Variants in TULP4 observed in about 807,000 individuals in gnomAD.
The protein encoded by TULP4 is tubby-related protein 4.
A neutral mutation model predicts 129.0 loss-of-function variants in TULP4; 16 were observed. The observed-to-expected ratio is 0.12, with a 90% CI of 0.08 to 0.19. TULP4 has a LOEUF of 0.19. Ranked by LOEUF, TULP4 falls within the 10% of genes least tolerant of loss-of-function variation. The pLI is 1.00. For synonymous variants in TULP4, 998 were observed against 854.0 expected (o/e 1.17, Z -2.94); for missense variants, 1,842 against 2,059.1 (o/e 0.89, Z 2.04).
intron 1 of TULP4, among the ~76,000 whole-genome samples, chr6:158,240,579 C>G (rs1316864284): frequency 1.0e-5 from 1 of 98,940 alleles, no homozygotes; most frequent in Non-Finnish European, 2.3e-5. Flanking sequence ...GGGCTCCTCA[C>G]TTCCCAGTAG....
intron 1 of TULP4, among the ~76,000 whole-genome samples, chr6:158,277,087 G>A (rs1453205653): frequency 6.6e-6 from 1 of 152,044 alleles, no homozygotes; most frequent in Non-Finnish European, 1.5e-5. Flanking sequence ...CTACAGGCGC[G>A]TGCTACCACA....
In TULP4 at chr6:158,511,144, G is replaced by C. The variant is rs1269054648; in HGVS notation, c.*4450G>C. On this transcript the variant is annotated 3_prime_UTR_variant, in exon 14 of 14. Transcript: ENST00000367097. ...GTGCAATTTTTGTGTAACTTTACTT[G>C]TACCTATATTTTCTGTTTACAGTTC... 5 of 152,428 alleles carry C rather than the reference G, an allele frequency of 3.3e-5. No individual in the cohort carries two copies. The highest frequency in any genetic ancestry group is 7.4e-5 in the Non-Finnish European group (5 of 68,010). 9.4% of individuals were successfully genotyped at this position (152,428 alleles called of 1,614,324 possible).
chr6:158,441,271 C>T (rs974983100), intron 3 of TULP4, among the ~76,000 whole-genome samples: 8 of 152,108 alleles, frequency 5.3e-5, no homozygotes, highest in Non-Finnish European at 1.0e-4. Context: ...CGAGATCACA[C>T]CACTGCACTC....
upstream of TULP4, among the ~76,000 whole-genome samples, chr6:158,309,709 C>G (rs1779302897): frequency 6.6e-6 from 1 of 152,052 alleles, no homozygotes; most frequent in Non-Finnish European, 1.5e-5. Context: ...GCCAACACAG[C>G]GAAACCCCGT....
At chr6:158,306,776 C>T (rs1389134996) in intron 1 of TULP4, among the ~76,000 whole-genome samples, 1 of 152,150 alleles carries the variant, frequency 6.6e-6, no homozygotes, top group African/African-American at 2.4e-5. Context: ...CCAGCTACTT[C>T]AGGAGGCTGA....
chr6:158,504,054 T>C lies in TULP4; in HGVS notation c.4391T>C (p.Val1464Ala), dbSNP rs1337658456. 6.2e-7 allele frequency: 1 copy of C among 1,609,158 alleles called. No individual in the cohort carries two copies. Among genetic ancestry groups the C allele is most frequent in the South Asian group, 1.1e-5 (1 of 90,458 alleles). The change falls in exon 13 of 14, where the codon GTG (valine) becomes GCG (alanine). Residue 1464 changes from valine (V) to alanine (A), a missense_variant. By Grantham distance (64) the Val-to-Ala change is moderately conservative. Around this residue, in one of 5 missense-constraint regions of TULP4, gnomAD observed 1,089 missense variants for 987.1 expected, o/e 1.10. Transcript: ENST00000367097. ...GGGCGGCTGGGCAGCCAAGGCTTCG[T>C]GTACGTGATGGCCAACAAGCAGCCG... ...EDGRLGSQGF[V>A]YVMANKQPLW...
At position 158,461,594 on chromosome 6, in the gene TULP4, C is replaced by T; in HGVS notation, c.891C>T (p.Asp297=). 1 of 1,613,850 alleles carries T rather than the reference C, an allele frequency of 6.2e-7. No individual in the cohort carries two copies. The highest frequency in any genetic ancestry group is 8.5e-7 in the Non-Finnish European group (1 of 1,179,908). Residue 297 remains aspartate, a synonymous_variant, in exon 6 of 14, where the codon GAC becomes GAT. Coordinates refer to ENST00000367097, the MANE Select transcript of TULP4 (RefSeq NM_020245.5). ...EVVAQWCTQG[D]LLAVAGMERQ... Reference sequence around the variant, plus strand: ...TAGCCCAGTGGTGCACACAGGGGGACTTGCTGGCAGTCGCTGGGATGGAAC... The same window carrying T: ...TAGCCCAGTGGTGCACACAGGGGGATTTGCTGGCAGTCGCTGGGATGGAAC...
chr6:158,247,474 C>A (rs559160590), intron 1 of TULP4, among the ~76,000 whole-genome samples: 1 of 152,324 alleles, frequency 6.6e-6, no homozygotes, highest in African/African-American at 2.4e-5. Context: ...ATTTTGAATT[C>A]TACTTAAATG....
At chr6:158,331,718 C>CGTGT (rs1562523086) in intron 1 of TULP4, among the ~76,000 whole-genome samples, 1 of 48,380 alleles carries the variant, frequency 2.1e-5, no homozygotes, top group Non-Finnish European at 3.8e-5. Flanking sequence ...CACACACACA[C>CGTGT]ACACACACAC....
intron 1 of TULP4, among the ~76,000 whole-genome samples, chr6:158,325,595 G>A (rs981759142): frequency 4.6e-5 from 7 of 151,914 alleles, no homozygotes; most frequent in Admixed American, 3.9e-4. Context: ...CTCGTGATCC[G>A]CCCGCCTCGG....
chr6:158,239,906 T>C (rs1235739209), intron 1 of TULP4, among the ~76,000 whole-genome samples: 4 of 46,602 alleles, frequency 8.6e-5, no homozygotes, highest in Non-Finnish European at 1.4e-4. Flanking sequence ...GAGGCGCCCC[T>C]CACCTCCCGG....
At chr6:158,255,185 T>C (rs533802030) in intron 1 of TULP4, among the ~76,000 whole-genome samples, 2 of 152,326 alleles carry the variant, frequency 1.3e-5, no homozygotes, top group South Asian at 4.1e-4. Flanking sequence ...TGAATCCCCC[T>C]GCAGGTGTTG....
At position 158,342,947 on chromosome 6, in the gene TULP4, ATGTGTG is replaced by A. The variant is rs5881254; in HGVS notation, c.252+28713_252+28718del. ...TAGTGAACGATGAGATTAAAAATAA[ATGTGTG>A]TGTGTGTGTGTGTGTGTGTGTGTGT... On this transcript the variant is annotated intron_variant, in intron 1 of 13. Coordinates refer to ENST00000367097, the MANE Select transcript of TULP4 (RefSeq NM_020245.5). Among the ~76,000 whole-genome samples, 296 of 147,630 alleles carry A rather than the reference ATGTGTG, an allele frequency of 2.0e-3. 1 individual carries two copies. The highest frequency in any genetic ancestry group is 6.4e-3 in the African/African-American group (253 of 39,502).
chr6:158,382,081 A>G (rs950732195), intron 1 of TULP4, among the ~76,000 whole-genome samples: 18 of 152,302 alleles, frequency 1.2e-4, no homozygotes, highest in African/African-American at 4.3e-4. Flanking sequence ...GGGAGGAGGT[A>G]GGTGCATTGC....
At chr6:158,233,814 AG>A (rs1162790331) in intron 1 of TULP4, among the ~76,000 whole-genome samples, 1 of 152,236 alleles carries the variant, frequency 6.6e-6, no homozygotes, top group Non-Finnish European at 1.5e-5. Context: ...TTTAAAGAAT[AG>A]TACTTAATTT....
intron 1 of TULP4, among the ~76,000 whole-genome samples, chr6:158,233,085 C>T (rs569657199): frequency 6.6e-6 from 1 of 152,334 alleles, no homozygotes; most frequent in Non-Finnish European, 1.5e-5. Context: ...TGTGGCGACA[C>T]CGCTTCAGGG....
intron 3 of TULP4, among the ~76,000 whole-genome samples, chr6:158,439,490 C>G (rs1778832960): frequency 6.6e-6 from 1 of 151,988 alleles, no homozygotes; most frequent in Non-Finnish European, 1.5e-5. Context: ...CCTCCACCCA[C>G]CCAGAGCAGC....
chr6:158,236,801 T>C (rs1288878727), intron 1 of TULP4, among the ~76,000 whole-genome samples: 12 of 30,150 alleles, frequency 4.0e-4, no homozygotes, highest in African/African-American at 6.3e-4. Flanking sequence ...TTTTCTTTTT[T>C]TTTTTTTTTT....
chr6:158,485,878 C>G (rs1490377834), intron 8 of TULP4, among the ~76,000 whole-genome samples: 3 of 152,184 alleles, frequency 2.0e-5, no homozygotes, highest in Non-Finnish European at 4.4e-5. Context: ...TATGCCTGTC[C>G]CACAATTGTA....
Sources: gnomAD v4.1 joint callset for allele counts (sites outside exome capture counted in the v4.1 genomes callset) on GRCh38, gnomAD v4.1.1 for gene constraint, gnomAD v4.1.1 regional missense constraint, MANE v1.5 for transcripts, NCBI Gene and HGNC (gene_info 2026-07-23, HGNC 2026-07-21) for gene names.